The following PARK7 variants were observed in gnomAD, a reference collection of about 807,000 sequenced individuals.
PARK7 encodes the protein Parkinson disease protein 7.
A neutral mutation model predicts 20.5 loss-of-function variants in PARK7; 14 were observed. The ratio of observed to expected loss-of-function variants is 0.68; its 90% confidence interval spans 0.45 to 1.07. The LOEUF (loss-of-function observed/expected upper bound fraction) is 1.07. Among genes scored for constraint, PARK7 ranks in the 50% least tolerant of loss-of-function variants. The pLI, the probability that PARK7 is intolerant of heterozygous loss-of-function variation, is 0.00. For synonymous variants in PARK7, 98 were observed against 84.3 expected (o/e 1.16, Z -0.89); for missense variants, 234 against 238.1 (o/e 0.98, Z 0.11).
chr1:7,970,868 T>G (rs779245369), intron 4 of PARK7, 26 bp from the exon 5 acceptor site: 97 of 1,612,870 alleles, frequency 6.0e-5, no homozygotes, highest in Non-Finnish European at 8.0e-5. Context: ...GATAACTTTA[T>G]GTATTTTTGG....
intron 3 of PARK7, among the ~76,000 whole-genome samples, chr1:7,966,160 TG>T (rs758714632): frequency 6.6e-6 from 1 of 152,004 alleles, no homozygotes; most frequent in East Asian, 1.9e-4. Flanking sequence ...GACAGGAGTG[TG>T]GACTGTACCC....
At chr1:7,982,379 C>T (rs994805091) in intron 6 of PARK7, among the ~76,000 whole-genome samples, 6 of 152,102 alleles carry the variant, frequency 3.9e-5, no homozygotes, top group Admixed American at 2.6e-4. Context: ...GCTGGTTGAA[C>T]GGGAAGTGTA....
intron 2 of PARK7, among the ~76,000 whole-genome samples, chr1:7,963,352 A>T (rs1640251686): frequency 6.7e-6 from 1 of 149,998 alleles, no homozygotes; most frequent in Non-Finnish European, 1.5e-5. Flanking sequence ...GGCGTGAGCC[A>T]CTGCACTGTC....
At chr1:7,974,011 A>G (rs1466958048) in intron 5 of PARK7, among the ~76,000 whole-genome samples, 1 of 151,920 alleles carries the variant, frequency 6.6e-6, no homozygotes, top group Non-Finnish European at 1.5e-5. Context: ...CTTTAAATCA[A>G]CATTAAAAAA....
At chr1:7,967,511 AT>A (rs1291147981) in intron 3 of PARK7, among the ~76,000 whole-genome samples, 1 of 151,952 alleles carries the variant, frequency 6.6e-6, no homozygotes, top group Non-Finnish European at 1.5e-5. Flanking sequence ...GTGTGTTTTT[AT>A]TTTTCAGTGC....
chr1:7,979,522 A>G (rs1640666522), intron 6 of PARK7, among the ~76,000 whole-genome samples: 1 of 152,130 alleles, frequency 6.6e-6, no homozygotes, highest in African/African-American at 2.4e-5. Flanking sequence ...TGTATTTGAG[A>G]CAGAGGCTTG....
chr1:7,984,799 T>C lies in PARK7; in HGVS notation c.410-95T>C. On this transcript the variant is annotated intron_variant, in intron 6 of 6. Coordinates refer to ENST00000338639, the MANE Select transcript of PARK7 (RefSeq NM_007262.5). The surrounding 1 kb of genome is among the most constrained non-coding windows in gnomAD (Gnocchi z 4.3). ...TTGAATGGTTAGCTACAGTGTTGGG[T>C]TTATATGCTGTAATAGTGAATTTAA... 1 of 1,456,862 alleles carries C rather than the reference T, an allele frequency of 6.9e-7. No individual in the cohort carries two copies. Among genetic ancestry groups the C allele is most frequent in the Non-Finnish European group, 9.6e-7 (1 of 1,044,180 alleles). 90.2% of individuals were successfully genotyped at this position (1,456,862 alleles called of 1,614,324 possible). A position where few individuals can be genotyped will look rare whatever the true frequency, so the allele number is the denominator to read the frequency against.
chr1:7,980,555 T>TGAGGCCAGAGCTC (rs1553124444), intron 6 of PARK7, among the ~76,000 whole-genome samples: 4 of 152,216 alleles, frequency 2.6e-5, no homozygotes, highest in Non-Finnish European at 5.9e-5. Flanking sequence ...AAGGAGAGAC[T>TGAGGCCAGAGCTC]GAGGCCAGAG....
At chr1:7,971,434 A>C (rs775929740) in intron 5 of PARK7, 1 of 181,366 alleles carries the variant, frequency 5.5e-6, no homozygotes, top group African/African-American at 2.4e-5. Flanking sequence ...TGGGCACCGC[A>C]TTATCTGCCA....
chr1:7,969,673 T>G (rs910093214), intron 4 of PARK7, among the ~76,000 whole-genome samples: 12 of 152,088 alleles, frequency 7.9e-5, no homozygotes, highest in Admixed American at 5.2e-4. Context: ...CTCCGCCTCC[T>G]GGGTTCAAGC....
At chr1:7,962,662 G>A (rs1465337090) in intron 1 of PARK7, 101 bp from the exon 2 acceptor site, 2 of 714,744 alleles carry the variant, frequency 2.8e-6, no homozygotes, top group Non-Finnish European at 4.7e-6. Context: ...TCCCTAGGAA[G>A]TACTTACTCT....
chr1:7,969,762 T>C (rs1640418905), intron 4 of PARK7, among the ~76,000 whole-genome samples: 1 of 152,188 alleles, frequency 6.6e-6, no homozygotes, highest in Non-Finnish European at 1.5e-5. Context: ...ATATTTTTAT[T>C]AGAGACGGGG....
chr1:7,973,197 C>T (rs1261991978), intron 5 of PARK7, among the ~76,000 whole-genome samples: 1 of 152,194 alleles, frequency 6.6e-6, no homozygotes, highest in Non-Finnish European at 1.5e-5. Flanking sequence ...AGGTCTTGTA[C>T]GTGGGCTTAC....
At chr1:7,969,562 G>A (rs141602352) in intron 4 of PARK7, among the ~76,000 whole-genome samples, 158 bp downstream of exon 4, 47 of 151,838 alleles carry the variant, frequency 3.1e-4, no homozygotes, top group Middle Eastern at 3.4e-3. Context: ...TTAACAAAAT[G>A]GTGTTATAGC....
intron 4 of PARK7, among the ~76,000 whole-genome samples, chr1:7,970,639 G>A (rs1453007799): frequency 6.6e-6 from 1 of 152,160 alleles, no homozygotes; most frequent in Non-Finnish European, 1.5e-5. Context: ...AAAATGGCAA[G>A]GGTCAAATTG....
At chr1:7,962,968 A>G in intron 2 of PARK7, 93 bp downstream of exon 2, 1 of 1,013,770 alleles carries the variant, frequency 9.9e-7, no homozygotes, top group Non-Finnish European at 1.6e-6. Context: ...GCTCTATGAA[A>G]TATTTCAAAT....
Position 7,977,738 on chromosome 1 carries a change from G to A in PARK7, c.409G>A (p.Gly137Ser), listed in dbSNP as rs1262615899. The change falls in exon 6 of 7, where the codon GGT becomes AGT. Residue 137 changes from glycine (G) to serine (S), a missense_variant and splice_region_variant. Coordinates refer to ENST00000338639, the MANE Select transcript of PARK7 (RefSeq NM_007262.5). ...TGCTAAAGACAAAATGATGAATGGA[G>A]GTAAGTATATGCTTGTTTTTGTTTG... Reference protein sequence around the residue: ...PLAKDKMMNGGHYTYSENRVE... With the variant: ...PLAKDKMMNGSHYTYSENRVE... 1 of 1,613,032 alleles carries A rather than the reference G, an allele frequency of 6.2e-7. No individual in the cohort carries two copies.
chr1:7,975,300 G>A (rs1312522218), intron 5 of PARK7, among the ~76,000 whole-genome samples: 1 of 152,206 alleles, frequency 6.6e-6, no homozygotes, highest in Non-Finnish European at 1.5e-5. Context: ...TTTACTTTGA[G>A]TAGGGGAGGG....
chr1:7,962,671 C>G (rs1640233082), intron 1 of PARK7, 92 bp from the exon 2 acceptor site: 1 of 770,876 alleles, frequency 1.3e-6, no homozygotes, highest in Non-Finnish European at 2.1e-6. Context: ...AGTACTTACT[C>G]TGCTTGAAAA....
Sources: gnomAD v4.1 joint callset for allele counts (sites outside exome capture counted in the v4.1 genomes callset) on GRCh38, gnomAD v4.1.1 for gene constraint, Gnocchi (gnomAD v3.1) non-coding constraint, MANE v1.5 for transcripts, NCBI Gene and HGNC (gene_info 2026-07-23, HGNC 2026-07-21) for gene names.